Variants in RNF145 observed in about 807,000 individuals in gnomAD.
The protein encoded by RNF145 is ring finger protein 145.
In RNF145, 12 loss-of-function variants were observed where a neutral mutation model predicts 57.3. The ratio of observed to expected loss-of-function variants is 0.21; its 90% CI spans 0.13 to 0.34. The LOEUF is 0.34. Ranked by LOEUF, RNF145 falls within the 10% of genes least tolerant of loss-of-function variation. The probability of loss-of-function intolerance (pLI) is 1.00; values close to 1 mark genes in which losing one functional copy is unlikely to be tolerated. For synonymous variants in RNF145, 262 were observed against 288.3 expected (o/e 0.91, Z 0.92); for missense variants, 429 against 799.0 (o/e 0.54, Z 5.58).
chr5:159,204,085 T>G (rs1785772559), intron 1 of RNF145, among the ~76,000 whole-genome samples: 1 of 152,222 alleles, frequency 6.6e-6, no homozygotes, highest in Non-Finnish European at 1.5e-5. Context: ...AATAAAAACT[T>G]GATAACTGCA....
chr5:159,172,626 G>A (rs1181751979), intron 6 of RNF145, among the ~76,000 whole-genome samples: 1 of 151,904 alleles, frequency 6.6e-6, no homozygotes, highest in Non-Finnish European at 1.5e-5. Context: ...ACTTATAATT[G>A]TTATTCATTT....
intron 8 of RNF145, among the ~76,000 whole-genome samples, chr5:159,166,095 A>AT (rs764197508): frequency 1.3e-5 from 2 of 152,120 alleles, no homozygotes; most frequent in Admixed American, 1.3e-4. Flanking sequence ...GTATTGGCAG[A>AT]TTTTTTCCCT....
rs74638887 is a variant in RNF145 at position 159,180,087 on chromosome 5, T to C, written c.385+1873A>G. On this transcript the variant is annotated intron_variant, in intron 4 of 10. Transcript: ENST00000424310. ...CCCTCTCTCTCTGACTTACCAAGGATTGAAGTGGGTAGGGAAGAAGGAGAG... is the reference window on the plus strand; with the variant it reads ...CCCTCTCTCTCTGACTTACCAAGGACTGAAGTGGGTAGGGAAGAAGGAGAG... 8.2e-3 allele frequency among the ~76,000 whole-genome samples: 1,247 copies of C among 152,122 alleles called. 19 individuals carry two copies. The highest frequency in any genetic ancestry group is 0.029 in the African/African-American group (1,194 of 41,500).
chr5:159,207,322 C>A (rs1785925883), intron 1 of RNF145, among the ~76,000 whole-genome samples: 1 of 151,966 alleles, frequency 6.6e-6, no homozygotes, highest in African/African-American at 2.4e-5. Context: ...TTTTTTATTT[C>A]TCTTATTTGA....
chr5:159,185,975 G>A (rs1371466430), intron 3 of RNF145, among the ~76,000 whole-genome samples: 1 of 152,160 alleles, frequency 6.6e-6, no homozygotes, highest in African/African-American at 2.4e-5. Flanking sequence ...TGTAATCCCA[G>A]CACTTTGGGA....
chr5:159,176,665 G>T lies in RNF145; in HGVS notation c.588C>A (p.Asn196Lys), dbSNP rs765807174. 1.2e-6 allele frequency: 2 copies of T among 1,611,600 alleles called. No homozygotes were observed. Among genetic ancestry groups the T allele is most frequent in the South Asian group, 1.1e-5 (1 of 90,998 alleles). ...ATTCTCTGTATGCAGATTTAGCAAGGTTATAAGGTACCAAAAGATTAGACC... is the reference window on the plus strand; with the variant it reads ...ATTCTCTGTATGCAGATTTAGCAAGTTTATAAGGTACCAAAAGATTAGACC... ...FLGSNLLVPY[N>K]LAKSAYRELV... Residue 196 changes from asparagine to lysine, a missense_variant, in exon 5 of 11, where the codon AAC (asparagine) becomes AAA (lysine). Physicochemically the swap from Asn to Lys is moderately conservative, Grantham distance 94 (BLOSUM62 0). This residue lies in a region of RNF145 where 2 missense variants were observed against 28.0 expected (regional missense o/e 0.07). Transcript: ENST00000424310.
At chr5:159,199,908 T>G (rs1421344983) in intron 2 of RNF145, among the ~76,000 whole-genome samples, 1 of 152,180 alleles carries the variant, frequency 6.6e-6, no homozygotes, top group Non-Finnish European at 1.5e-5. Context: ...AAGACACAAT[T>G]ACATTCCATT....
intron 3 of RNF145, among the ~76,000 whole-genome samples, chr5:159,183,716 A>G (rs1464384508): frequency 6.6e-6 from 1 of 152,202 alleles, no homozygotes; most frequent in Non-Finnish European, 1.5e-5. Context: ...TTAAAGCCCA[A>G]TAATTTCTTT....
At chr5:159,180,081 C>G (rs1263302057) in intron 4 of RNF145, among the ~76,000 whole-genome samples, 1 of 151,916 alleles carries the variant, frequency 6.6e-6, no homozygotes, top group Non-Finnish European at 1.5e-5. Flanking sequence ...TCTGACTTAC[C>G]AAGGATTGAA....
intron 3 of RNF145, among the ~76,000 whole-genome samples, chr5:159,188,191 G>A (rs1168359167): frequency 6.6e-6 from 1 of 151,920 alleles, no homozygotes; most frequent in Non-Finnish European, 1.5e-5. Flanking sequence ...GACCATCCTG[G>A]CTAACATGGT....
intron 3 of RNF145, among the ~76,000 whole-genome samples, chr5:159,184,971 G>GGAAA (rs559679101): frequency 2.5e-4 from 38 of 152,232 alleles, no homozygotes; most frequent in South Asian, 1.5e-3. Context: ...GATGTTAAGT[G>GGAAA]GTTTCCTCCC....
In RNF145 at chr5:159,194,972, T is replaced by C. The variant is rs571860606; in HGVS notation, c.185-148A>G. Reference sequence around the variant, plus strand: ...TATACTTACCAAAGTAAGTTTAGCATAGTGACACCCCTATGGATTTTTTGT... The same window carrying C: ...TATACTTACCAAAGTAAGTTTAGCACAGTGACACCCCTATGGATTTTTTGT... On this transcript the variant is annotated intron_variant, in intron 2 of 10. Transcript: ENST00000424310. 387 of 561,850 alleles carry C rather than the reference T, an allele frequency of 6.9e-4. 5 individuals are homozygous for C. The South Asian group carries it at 7.2e-3, about 10-fold the overall frequency. 34.8% of individuals were successfully genotyped at this position (561,850 alleles called of 1,614,324 possible).
In RNF145 at chr5:159,204,386, T is replaced by TG. The variant is rs77638467; in HGVS notation, c.-39-731dup. Among the ~76,000 whole-genome samples, 357 of 141,750 alleles carry TG rather than the reference T, an allele frequency of 2.5e-3. 2 individuals are homozygous for TG. The highest frequency in any genetic ancestry group is 0.012 in the South Asian group (52 of 4,316). 93.0% of individuals were successfully genotyped at this position (141,750 alleles called of 152,430 possible). ...TCTCTGCACAGACCATGATAAGTAG[T>TG]GGGGGGGGGCAGGGGGAGGAGGAAA... On this transcript the variant is annotated intron_variant, in intron 1 of 10. Transcript: ENST00000424310.
intron 3 of RNF145, among the ~76,000 whole-genome samples, chr5:159,190,033 G>A (rs185527733): frequency 6.6e-6 from 1 of 152,250 alleles, no homozygotes; most frequent in East Asian, 1.9e-4. Flanking sequence ...AAACCACTGA[G>A]CTGTATACAT....
At chr5:159,192,113 A>G (rs1785310323) in intron 3 of RNF145, among the ~76,000 whole-genome samples, 1 of 152,040 alleles carries the variant, frequency 6.6e-6, no homozygotes, top group Non-Finnish European at 1.5e-5. Flanking sequence ...TTTTTCCCTG[A>G]AGAATATAGT....
At chr5:159,177,405 C>A (rs1456067448) in intron 4 of RNF145, among the ~76,000 whole-genome samples, 2 of 151,978 alleles carry the variant, frequency 1.3e-5, no homozygotes, top group African/African-American at 4.8e-5. Flanking sequence ...TAAATAAATT[C>A]TTCTCACTGG....
chr5:159,164,316 T>C (rs1426720527), intron 8 of RNF145, among the ~76,000 whole-genome samples: 1 of 152,192 alleles, frequency 6.6e-6, no homozygotes, highest in East Asian at 1.9e-4. Context: ...TCAGCAATTT[T>C]AACTTTTTAA....
At chr5:159,187,382 G>A (rs1363414062) in intron 3 of RNF145, among the ~76,000 whole-genome samples, 3 of 151,630 alleles carry the variant, frequency 2.0e-5, no homozygotes, top group Non-Finnish European at 4.4e-5. Flanking sequence ...GGCTGGAGTG[G>A]AATGGCACGA....
At chr5:159,181,591 A>G (rs2113156440) in intron 4 of RNF145, among the ~76,000 whole-genome samples, 1 of 152,248 alleles carries the variant, frequency 6.6e-6, no homozygotes, top group East Asian at 1.9e-4. Context: ...CCGGACATTC[A>G]TTTTTGACAA....
Sources: allele counts gnomAD v4.1 joint callset (sites outside exome capture counted in the v4.1 genomes callset), GRCh38; gene constraint gnomAD v4.1.1; regional missense constraint gnomAD v4.1.1; transcripts MANE v1.5; gene names NCBI Gene and HGNC (gene_info 2026-07-23, HGNC 2026-07-21).